Variants in PCDHGA3 observed in about 807,000 individuals in gnomAD.
PCDHGA3 encodes protocadherin gamma subfamily A, 3, also known as protocadherin gamma-A3.
Under a neutral mutation model 58.5 loss-of-function variants are expected in PCDHGA3, and 40 were observed. The observed-to-expected ratio is 0.68, with a 90% CI of 0.53 to 0.89. PCDHGA3 has a LOEUF of 0.89. Among genes scored for constraint, PCDHGA3 ranks in the 40% least tolerant of loss-of-function variants. The pLI, the probability that PCDHGA3 is intolerant of heterozygous loss-of-function variation, is 0.00. For synonymous variants in PCDHGA3, 530 were observed against 525.7 expected (o/e 1.01, Z -0.11); for missense variants, 1,223 against 1,195.9 (o/e 1.02, Z -0.33).
chr5:141,497,323 G>A lies in PCDHGA3; in HGVS notation c.2483+2458G>A, dbSNP rs373068300. Reference sequence around the variant, plus strand: ...CAGGCCATACACTGGCTTTGAAGCAGAATTCACCATTGAACCTGGAAGCCC... The same window carrying A: ...CAGGCCATACACTGGCTTTGAAGCAAAATTCACCATTGAACCTGGAAGCCC... On this transcript the variant is annotated intron_variant, in intron 2 of 3. Transcript: ENST00000253812. 1.2e-4 allele frequency among the ~76,000 whole-genome samples: 19 copies of A among 152,204 alleles called. No homozygotes were observed. In the East Asian group the frequency reaches 3.5e-3, roughly 28 times the overall value.
chr5:141,424,149 G>T, intron 1 of PCDHGA3: 1 of 324,612 alleles, frequency 3.1e-6, no homozygotes. Flanking sequence ...GCTCCCTCTA[G>T]CTCTCCTTCT....
intron 1 of PCDHGA3, among the ~76,000 whole-genome samples, chr5:141,368,602 G>T (rs992972372): frequency 1.3e-5 from 2 of 152,100 alleles, no homozygotes; most frequent in African/African-American, 4.8e-5. Context: ...AAAAGTAAAG[G>T]TTATAGATTT....
intron 1 of PCDHGA3, among the ~76,000 whole-genome samples, chr5:141,455,749 C>A (rs2098830563): frequency 6.6e-6 from 1 of 152,086 alleles, no homozygotes; most frequent in Non-Finnish European, 1.5e-5. Context: ...AGGTTGCTGG[C>A]CTGGCTCCTA....
chr5:141,376,736 G>T (rs1158010904), intron 1 of PCDHGA3: 1 of 522,720 alleles, frequency 1.9e-6, no homozygotes, highest in Non-Finnish European at 3.2e-6. Flanking sequence ...CCGGACTGCG[G>T]ACTGCAGTGG....
chr5:141,376,241 C>T (rs755837851), intron 1 of PCDHGA3: 1 of 1,614,118 alleles, frequency 6.2e-7, no homozygotes, highest in East Asian at 2.2e-5. Flanking sequence ...GCAGCGCTGG[C>T]ACAAGTCACG....
At chr5:141,372,346 A>G (rs781226207) in intron 1 of PCDHGA3, 1 of 1,613,714 alleles carries the variant, frequency 6.2e-7, no homozygotes, top group African/African-American at 1.3e-5. Flanking sequence ...GATGGAGGAC[A>G]GCAGCCTCTT....
At chr5:141,426,955 C>T (rs1380917458) in intron 1 of PCDHGA3, 3 of 456,658 alleles carry the variant, frequency 6.6e-6, no homozygotes, top group South Asian at 1.5e-5. Flanking sequence ...ACTGGCACTG[C>T]TGCAATTCAA....
At chr5:141,365,654 G>A (rs952946348) in intron 1 of PCDHGA3, 4 of 1,613,378 alleles carry the variant, frequency 2.5e-6, no homozygotes, top group Non-Finnish European at 3.4e-6. Flanking sequence ...CCCCTTGAAA[G>A]TAGCAGACGT....
chr5:141,427,937 C>T, intron 1 of PCDHGA3: 1 of 1,584,566 alleles, frequency 6.3e-7, no homozygotes, highest in African/African-American at 1.3e-5. Flanking sequence ...TGTTGGTGGG[C>T]GACCTCAATG....
Position 141,431,435 on chromosome 5 carries a change from G to T in PCDHGA3, c.2425-63372G>T. On this transcript the variant is annotated intron_variant, in intron 1 of 3. Coordinates refer to ENST00000253812, the MANE Select transcript of PCDHGA3 (RefSeq NM_018916.4). This position sits in a 1 kb window ranked among gnomAD's most constrained non-coding sequence, Gnocchi z 4.8. The stretch of plus-strand genomic sequence containing the variant: ...GGGCGACCCGGTGCGCACAGGCACC[G>T]CGCGCATCCGCGTGATGGTTCTGGA... The T allele has an allele frequency of 6.2e-7, 1 of 1,613,668 alleles. No individual in the cohort carries two copies. Among genetic ancestry groups the T allele is most frequent in the Non-Finnish European group, 8.5e-7 (1 of 1,180,026 alleles).
chr5:141,397,919 C>G (rs1158998805), intron 1 of PCDHGA3: 2 of 723,460 alleles, frequency 2.8e-6, no homozygotes, highest in East Asian at 5.5e-5. Flanking sequence ...TCCAGATCTC[C>G]TCGCGCAGCC....
At chr5:141,404,791 G>A (rs747844350) in intron 1 of PCDHGA3, 2 of 1,613,932 alleles carry the variant, frequency 1.2e-6, no homozygotes, top group Non-Finnish European at 8.5e-7. Flanking sequence ...AGGCCAGTGA[G>A]CCAGGGCTCT....
rs771408685 is a variant in PCDHGA3, at chr5:141,486,166, G to T, written c.2425-8641G>T. ...GCGATGGGGGTTCTCCAGCCATGGA[G>T]CAACATTGCAGCCTTCGAGTGGATC... is the stretch of plus-strand genomic sequence containing the variant. On this transcript the variant is annotated intron_variant, in intron 1 of 3. Transcript: ENST00000253812. The surrounding 1 kb of genome is among the most constrained non-coding windows in gnomAD (Gnocchi z 5.0). 1.9e-6 allele frequency: 3 copies of T among 1,614,106 alleles called. No homozygotes were observed. Among genetic ancestry groups the T allele is most frequent in the Non-Finnish European group, 2.5e-6 (3 of 1,180,048 alleles).
At chr5:141,392,820 G>T in intron 1 of PCDHGA3, 1 of 1,592,868 alleles carries the variant, frequency 6.3e-7, no homozygotes. Flanking sequence ...AACAATGGCC[G>T]CTCCACAGAG....
rs913767837 is a variant in PCDHGA3, at chr5:141,491,909, C to T, written c.2425-2898C>T. 8.5e-6 allele frequency: 12 copies of T among 1,403,834 alleles called. No individual in the cohort carries two copies. Among genetic ancestry groups the T allele is most frequent in the Non-Finnish European group, 1.1e-5 (12 of 1,057,326 alleles). 87.0% of individuals were successfully genotyped at this position (1,403,834 alleles called of 1,614,324 possible). A position where few individuals can be genotyped will look rare whatever the true frequency, so the allele number is the denominator to read the frequency against. Reference sequence around the variant, plus strand: ...GGGCTCCGAGCACCGGGGGTGGTGGCGACTGTGGGCGAGGGGAGGTGGGAC... The same window carrying T: ...GGGCTCCGAGCACCGGGGGTGGTGGTGACTGTGGGCGAGGGGAGGTGGGAC... On this transcript the variant is annotated intron_variant, in intron 1 of 3. Transcript: ENST00000253812. The surrounding 1 kb of genome is among the most constrained non-coding windows in gnomAD (Gnocchi z 6.9).
chr5:141,475,984 G>C (rs1282216343), intron 1 of PCDHGA3: 1 of 1,069,308 alleles, frequency 9.4e-7, no homozygotes, highest in Non-Finnish European at 1.3e-6. Flanking sequence ...AACAGCCGGC[G>C]AGCAAATCAA....
chr5:141,457,279 G>A (rs948609305), intron 1 of PCDHGA3, among the ~76,000 whole-genome samples: 2 of 152,190 alleles, frequency 1.3e-5, no homozygotes, highest in African/African-American at 4.8e-5. Flanking sequence ...GTGGGCCTAC[G>A]AAGTTCCTTG....
At chr5:141,376,460 A>G (rs1437479138) in intron 1 of PCDHGA3, 3 of 1,614,038 alleles carry the variant, frequency 1.9e-6, no homozygotes, top group Non-Finnish European at 2.5e-6. Context: ...GCCTCTTCTG[A>G]TAACTCAGGA....
rs369964221 is a variant in PCDHGA3 at position 141,366,213 on chromosome 5, C to G, written c.2424+19756C>G. On this transcript the variant is annotated intron_variant, in intron 1 of 3. Coordinates refer to ENST00000253812, the MANE Select transcript of PCDHGA3 (RefSeq NM_018916.4). ...GGGCTGCACACGGGCGAGGTGCGCA[C>G]AGCGCGAGCCCTGCTGGACAGAGAC... 2.5e-6 allele frequency: 4 copies of G among 1,613,692 alleles called. No individual in the cohort carries two copies. The African/African-American group carries it at 4.0e-5, about 16-fold the overall frequency.
Sources: gnomAD v4.1 joint callset for allele counts (sites outside exome capture counted in the v4.1 genomes callset) on GRCh38, gnomAD v4.1.1 for gene constraint, Gnocchi (gnomAD v3.1) non-coding constraint, MANE v1.5 for transcripts, NCBI Gene and HGNC (gene_info 2026-07-23, HGNC 2026-07-21) for gene names.